Variants in PRDM16 observed in about 807,000 individuals in gnomAD.
PRDM16 encodes PR/SET domain 16, also known as histone-lysine N-methyltransferase PRDM16.
In PRDM16, 23 loss-of-function variants were observed where a neutral mutation model predicts 110.6. The observed-to-expected ratio is 0.21, with a 90% CI of 0.15 to 0.29. The LOEUF is 0.29. Among genes scored for constraint, PRDM16 ranks in the 10% least tolerant of loss-of-function variants. PRDM16 has a pLI of 1.00. For synonymous variants in PRDM16, 799 were observed against 781.8 expected, an observed-to-expected ratio of 1.02 and a Z score of -0.37; for missense variants, 1,615 against 1,794.3, an observed-to-expected ratio of 0.90 and a Z score of 1.81.
intron 4 of PRDM16, among the ~76,000 whole-genome samples, chr1:3,393,062 AT>A (rs1422459961): frequency 6.6e-6 from 1 of 152,218 alleles, no homozygotes; most frequent in African/African-American, 2.4e-5. Flanking sequence ...TGGCATCATT[AT>A]TTTTTTAAAG....
At chr1:3,349,553 G>A (rs1246095918) in intron 3 of PRDM16, among the ~76,000 whole-genome samples, 1 of 152,112 alleles carries the variant, frequency 6.6e-6, no homozygotes, top group Non-Finnish European at 1.5e-5. Flanking sequence ...ACCCAAGGGT[G>A]TCCTTGTCCC....
chr1:3,329,890 G>A (rs1049402868), intron 3 of PRDM16, among the ~76,000 whole-genome samples: 3 of 152,276 alleles, frequency 2.0e-5, no homozygotes, highest in African/African-American at 7.2e-5. Context: ...CTGAGCTTGT[G>A]TTGGGCTGAG....
intron 3 of PRDM16, among the ~76,000 whole-genome samples, chr1:3,280,476 C>A (rs112266538): frequency 6.6e-6 from 1 of 152,226 alleles, no homozygotes. Context: ...TCCAACCTCA[C>A]ACCAGAGAAA....
chr1:3,073,718 C>T (rs970934571), intron 1 of PRDM16, among the ~76,000 whole-genome samples: 1 of 152,192 alleles, frequency 6.6e-6, no homozygotes, highest in African/African-American at 2.4e-5. Context: ...TCCCACTCCC[C>T]GCGCACAAAG....
At chr1:3,200,708 G>C (rs1176665443) in intron 2 of PRDM16, among the ~76,000 whole-genome samples, 1 of 151,944 alleles carries the variant, frequency 6.6e-6, no homozygotes, top group Non-Finnish European at 1.5e-5. Context: ...AGTATCCCCG[G>C]CACGCGTGGC....
chr1:3,072,835 C>A (rs1039255913), intron 1 of PRDM16, among the ~76,000 whole-genome samples: 3 of 152,260 alleles, frequency 2.0e-5, no homozygotes, highest in Non-Finnish European at 4.4e-5. Flanking sequence ...GGGCTGGCCG[C>A]CAGGGCTTGG....
At chr1:3,338,043 A>G (rs1642197660) in intron 3 of PRDM16, among the ~76,000 whole-genome samples, 1 of 152,168 alleles carries the variant, frequency 6.6e-6, no homozygotes. Context: ...ACATATAGAC[A>G]TGCACACACA....
chr1:3,366,728 C>T lies in PRDM16; in HGVS notation c.439-18424C>T, dbSNP rs963016318. ...GGTCGGAGCAGAAAAATGATTAGGG[C>T]GTCTCGTGAAAGATCTCTACTCTAG... On this transcript the variant is annotated intron_variant, in intron 3 of 16. Coordinates refer to ENST00000270722, the MANE Select transcript of PRDM16 (RefSeq NM_022114.4). Among the ~76,000 whole-genome samples the T allele has an allele frequency of 3.9e-5, 6 of 152,050 alleles. No homozygotes were observed. The South Asian group carries it at 6.2e-4, about 16-fold the overall frequency.
chr1:3,139,565 C>G (rs946137891), intron 1 of PRDM16, among the ~76,000 whole-genome samples: 5 of 152,282 alleles, frequency 3.3e-5, no homozygotes, highest in African/African-American at 1.2e-4. Flanking sequence ...ACTGCCTGCT[C>G]TCTGTCACCA....
chr1:3,337,203 GTC>G (rs893283101), intron 3 of PRDM16, among the ~76,000 whole-genome samples: 8 of 151,340 alleles, frequency 5.3e-5, no homozygotes, highest in African/African-American at 1.7e-4. Flanking sequence ...GTTGGTGTGA[GTC>G]TCTGTGTGTG....
chr1:3,258,810 T>C (rs1398980711), intron 3 of PRDM16, among the ~76,000 whole-genome samples: 1 of 152,220 alleles, frequency 6.6e-6, no homozygotes, highest in Non-Finnish European at 1.5e-5. Context: ...CGGCGGCTTC[T>C]GCCGGGGAAC....
chr1:3,428,784 C>T (rs1432839056), intron 14 of PRDM16, among the ~76,000 whole-genome samples: 1 of 152,192 alleles, frequency 6.6e-6, no homozygotes, highest in East Asian at 1.9e-4. Flanking sequence ...TCCCAGCCCC[C>T]GGTACCTCAG....
At chr1:3,432,874 G>A (rs566085329) in intron 16 of PRDM16, among the ~76,000 whole-genome samples, 1 of 152,202 alleles carries the variant, frequency 6.6e-6, no homozygotes. Context: ...ATCCCCACCT[G>A]CCCTGTGCTG....
intron 3 of PRDM16, among the ~76,000 whole-genome samples, chr1:3,346,233 C>G (rs1266593184): frequency 1.3e-5 from 2 of 152,226 alleles, no homozygotes; most frequent in Non-Finnish European, 2.9e-5. Context: ...TCCCGTTGGC[C>G]CTGCCCCACG....
intron 1 of PRDM16, among the ~76,000 whole-genome samples, chr1:3,106,688 C>T (rs950775874): frequency 2.6e-5 from 4 of 152,150 alleles, no homozygotes; most frequent in Non-Finnish European, 5.9e-5. Context: ...TCCCAAGCAC[C>T]TGGGCCAGTG....
intron 6 of PRDM16, among the ~76,000 whole-genome samples, chr1:3,404,257 C>T (rs1266229405): frequency 6.6e-6 from 1 of 152,224 alleles, no homozygotes; most frequent in Non-Finnish European, 1.5e-5. Context: ...CTCGGGTCCC[C>T]TCCGTGTCAC....
chr1:3,157,170 G>A lies in PRDM16; in HGVS notation c.38-28955G>A, dbSNP rs1276726371. On this transcript the variant is annotated intron_variant, in intron 1 of 16. Coordinates refer to ENST00000270722, the MANE Select transcript of PRDM16 (RefSeq NM_022114.4). This position sits in a 1 kb window ranked among gnomAD's most constrained non-coding sequence, Gnocchi z 4.8. Reference sequence around the variant, plus strand: ...CTGGGCGGCTCAGAGGGCGGGACCTGGAGAAGGAGGGCCGCTCGGCAACCG... The same window carrying A: ...CTGGGCGGCTCAGAGGGCGGGACCTAGAGAAGGAGGGCCGCTCGGCAACCG... Among the ~76,000 whole-genome samples, 1 of 152,142 alleles carries A rather than the reference G, an allele frequency of 6.6e-6. No individual in the cohort carries two copies. The highest frequency in any genetic ancestry group is 1.5e-5 in the Non-Finnish European group (1 of 68,008).
In PRDM16 at chr1:3,303,214, G is replaced by A. The variant is rs142394195; in HGVS notation, c.438+59077G>A. Among the ~76,000 whole-genome samples, 144 of 150,804 alleles carry A rather than the reference G, an allele frequency of 9.5e-4. 1 individual carries two copies. The East Asian group carries it at 0.027, about 28-fold the overall frequency. On this transcript the variant is annotated intron_variant, in intron 3 of 16. Coordinates refer to ENST00000270722, the MANE Select transcript of PRDM16 (RefSeq NM_022114.4). ...AGAAAGAAACCTCTGACCATTAGCAGCCCCTCCCAGTTTCTCCTCTCCCCC... is the reference window on the plus strand; with the variant it reads ...AGAAAGAAACCTCTGACCATTAGCAACCCCTCCCAGTTTCTCCTCTCCCCC...
At position 3,088,970 on chromosome 1, in the gene PRDM16, A is replaced by G. The variant is rs1230058726; in HGVS notation, c.37+19674A>G. On this transcript the variant is annotated intron_variant, in intron 1 of 16. Transcript: ENST00000270722. ...GCTAATTTTTGTATTTTTAGTAGAG[A>G]TGGGGTTTCACCATGTTGGCCAGGC... is the stretch of plus-strand genomic sequence containing the variant. Among the ~76,000 whole-genome samples, 4 of 150,806 alleles carry G rather than the reference A, an allele frequency of 2.7e-5. No individual in the cohort carries two copies. In the East Asian group the frequency reaches 7.9e-4, roughly 30 times the overall value.
Sources: gnomAD v4.1 joint callset for allele counts (sites outside exome capture counted in the v4.1 genomes callset) on GRCh38, gnomAD v4.1.1 for gene constraint, Gnocchi (gnomAD v3.1) non-coding constraint, MANE v1.5 for transcripts, NCBI Gene and HGNC (gene_info 2026-07-23, HGNC 2026-07-21) for gene names.